AGT: variants seen among roughly 807,000 people sequenced by gnomAD.
AGT encodes the protein alpha-1 antiproteinase, antitrypsin.
Under a neutral mutation model 28.1 loss-of-function variants are expected in AGT, and 26 were observed. That is an observed-to-expected ratio of 0.92 (90% CI 0.68 to 1.28). The LOEUF is 1.28. Ranked by LOEUF, AGT falls within the 50% of genes most tolerant of loss-of-function variation. The pLI, the probability that AGT is intolerant of heterozygous loss-of-function variation, is 0.00. For synonymous variants in AGT, 259 were observed against 259.6 expected, an observed-to-expected ratio of 1.00 and a Z score of 0.02; for missense variants, 596 against 592.3, an observed-to-expected ratio of 1.01 and a Z score of -0.06.
At position 230,710,841 on chromosome 1, in the gene AGT, G is replaced by A. The variant is rs370535384; in HGVS notation, c.-18C>T. 9.9e-6 allele frequency: 16 copies of A among 1,613,004 alleles called. No individual in the cohort carries two copies. The highest frequency in any genetic ancestry group is 9.3e-5 in the African/African-American group (7 of 74,924). On this transcript the variant is annotated 5_prime_UTR_variant, in exon 2 of 5. It introduces an in-frame stop codon into an upstream open reading frame of the 5' UTR. Transcript: ENST00000366667. ...GGAGCCATCTCAGACTGGGGTGCTC[G>A]CTTCCGCATACCCTGAAATATCATT...
rs979622050 is a variant in AGT at position 230,702,817 on chromosome 1, C to T, written c.*324G>A. On this transcript the variant is annotated 3_prime_UTR_variant, in exon 5 of 5. Coordinates refer to ENST00000366667, the MANE Select transcript of AGT (RefSeq NM_001384479.1). Reference sequence around the variant, plus strand: ...AACACTTTTTTGTTTCACAAACAAGCTGGTCGGTTGGAATTCTTTTTGGAA... The same window carrying T: ...AACACTTTTTTGTTTCACAAACAAGTTGGTCGGTTGGAATTCTTTTTGGAA... 2 of 323,002 alleles carry T rather than the reference C, an allele frequency of 6.2e-6. No homozygotes were observed. The highest frequency in any genetic ancestry group is 6.2e-5 in the South Asian group (1 of 16,260). The allele number at this position is 323,002 out of a possible 1,614,324, so 20.0% of individuals were successfully genotyped here. A position where few individuals can be genotyped will look rare whatever the true frequency, so the allele number is the denominator to read the frequency against.
At chr1:230,739,386 C>T (rs879216963) in intron 1 of AGT, among the ~76,000 whole-genome samples, 3 of 151,504 alleles carry the variant, frequency 2.0e-5, no homozygotes, top group Non-Finnish European at 4.4e-5. Context: ...CACTATGGGG[C>T]GGGGGGTGGC....
chr1:230,721,819 T>C (rs1359198821), intron 1 of AGT, among the ~76,000 whole-genome samples: 1 of 152,172 alleles, frequency 6.6e-6, no homozygotes, highest in Non-Finnish European at 1.5e-5. Flanking sequence ...GGAACTTATG[T>C]TTAAAAAGGA....
rs1352562871 is a variant in AGT, at chr1:230,704,351, G to A, written c.1098-14C>T. Reference sequence around the variant, plus strand: ...AGGTGGATGGTCCTGGGGAGATGATGCACAGTTAGGAAGGCTCCAGGCCAC... The same window carrying A: ...AGGTGGATGGTCCTGGGGAGATGATACACAGTTAGGAAGGCTCCAGGCCAC... On this transcript the variant is annotated splice_polypyrimidine_tract_variant and intron_variant, in intron 3 of 4. Transcript: ENST00000366667. 9.3e-6 allele frequency: 15 copies of A among 1,613,672 alleles called. No individual in the cohort carries two copies. The highest frequency in any genetic ancestry group is 1.2e-5 in the Non-Finnish European group (14 of 1,179,896).
chr1:230,710,641 A>T lies in AGT; in HGVS notation c.183T>A (p.Ala61=). ...GKPKDPTFIP[A]PIQAKTSPVD... is the part of the protein sequence containing the mutation. ...CAGGGGATGTCTTGGCCTGAATTGG[A>T]GCAGGTATGAAGGTGGGGTCTTTGG... The change falls in exon 2 of 5, where the codon GCT becomes GCA. Residue 61 remains alanine (A), a synonymous_variant. Transcript: ENST00000366667. 6.2e-7 allele frequency: 1 copy of T among 1,614,198 alleles called. No individual in the cohort carries two copies. The highest frequency in any genetic ancestry group is 8.5e-7 in the Non-Finnish European group (1 of 1,180,046).
At chr1:230,713,132 C>T (rs1663643586) in intron 1 of AGT, among the ~76,000 whole-genome samples, 1 of 152,200 alleles carries the variant, frequency 6.6e-6, no homozygotes, top group African/African-American at 2.4e-5. Flanking sequence ...CTTTTCCCTC[C>T]TTATAACCCT....
chr1:230,712,799 G>A lies in AGT; in HGVS notation c.-31+1287C>T, dbSNP rs76063097. On this transcript the variant is annotated intron_variant, in intron 1 of 4. Transcript: ENST00000366667. ...GCTGGTTCCAGGTCTGCACGCAGCC[G>A]CGTCCTGGGAGTAATGGTGCTCTGG... 2.1e-3 allele frequency among the ~76,000 whole-genome samples: 313 copies of A among 152,288 alleles called. 6 individuals are homozygous for A. In the East Asian group the frequency reaches 0.031, roughly 15 times the overall value.
intron 1 of AGT, among the ~76,000 whole-genome samples, chr1:230,724,730 G>C (rs556705285): frequency 3.3e-4 from 51 of 152,278 alleles, no homozygotes; most frequent in African/African-American, 1.2e-3. Flanking sequence ...GGAGGCTGGG[G>C]TGGGAAGATC....
chr1:230,724,431 T>A (rs57969543), intron 1 of AGT, among the ~76,000 whole-genome samples: 9,857 of 152,260 alleles, frequency 0.065, 560 homozygotes, highest in East Asian at 0.14. Flanking sequence ...ATTCTGAATA[T>A]AATGACACCA....
chr1:230,719,953 A>G (rs779914516), intron 1 of AGT, among the ~76,000 whole-genome samples: 1 of 152,204 alleles, frequency 6.6e-6, no homozygotes, highest in Admixed American at 6.5e-5. Context: ...TTCTATTGCA[A>G]CAGGGGTCAA....
At position 230,706,164 on chromosome 1, in the gene AGT, T is replaced by G. The variant is rs1663380956; in HGVS notation, c.866A>C (p.Gln289Pro). The change falls in exon 3 of 5, where the codon CAG becomes CCG. Residue 289 changes from glutamine (Q) to proline (P), a missense_variant. By Grantham distance (76) the Gln-to-Pro change is moderately conservative (BLOSUM62 -1). Transcript: ENST00000366667. The stretch of plus-strand genomic sequence containing the variant: ...GGTGCTGTTGTCCACCCAGAACTCC[T>G]GGGGCTCGGCCAGCAGGGAGAAGCC... ...MKGFSLLAEP[Q>P]EFWVDNSTSV... The G allele has an allele frequency of 4.3e-6, 7 of 1,613,776 alleles. No homozygotes were observed. Among genetic ancestry groups the G allele is most frequent in the Non-Finnish European group, 5.9e-6 (7 of 1,179,816 alleles).
intron 1 of AGT, among the ~76,000 whole-genome samples, chr1:230,724,692 G>T (rs1233159908): frequency 6.6e-6 from 1 of 152,098 alleles, no homozygotes; most frequent in Admixed American, 6.6e-5. Flanking sequence ...AGGTTTGGTG[G>T]CACGTGCCTG....
chr1:230,738,721 G>T (rs926349715), intron 1 of AGT, among the ~76,000 whole-genome samples: 10 of 152,140 alleles, frequency 6.6e-5, no homozygotes, highest in African/African-American at 1.9e-4. Flanking sequence ...TGGAGAGTGG[G>T]AAAGGATGAG....
chr1:230,728,951 T>C (rs1664002445), intron 1 of AGT, among the ~76,000 whole-genome samples: 1 of 152,216 alleles, frequency 6.6e-6, no homozygotes, highest in Admixed American at 6.5e-5. Flanking sequence ...CAGTGAGCCC[T>C]GGGAGAGCAT....
intron 3 of AGT, 58 bp downstream of exon 3, chr1:230,705,875 C>A (rs894014191): frequency 6.2e-7 from 1 of 1,604,838 alleles, no homozygotes; most frequent in Non-Finnish European, 8.5e-7. Flanking sequence ...CACCCCGCCC[C>A]CAGCCTGGGC....
intron 1 of AGT, among the ~76,000 whole-genome samples, chr1:230,734,372 T>A (rs966228485): frequency 1.3e-5 from 2 of 152,088 alleles, no homozygotes; most frequent in Middle Eastern, 3.2e-3. Flanking sequence ...AGAATGGTGG[T>A]TTCCAGGGGC....
chr1:230,707,701 G>A (rs1028694937), intron 2 of AGT, among the ~76,000 whole-genome samples: 19 of 152,296 alleles, frequency 1.2e-4, no homozygotes, highest in Middle Eastern at 3.4e-3. Flanking sequence ...GGGGGGAAAG[G>A]GACAATTCTT....
At position 230,702,822 on chromosome 1, in the gene AGT, C is replaced by T. The variant is rs542000851; in HGVS notation, c.*319G>A. 5.8e-5 allele frequency: 19 copies of T among 325,324 alleles called. No individual in the cohort carries two copies. The highest frequency in any genetic ancestry group is 1.3e-4 in the Admixed American group (3 of 22,498). The allele number at this position is 325,324 out of a possible 1,614,324, so 20.2% of individuals were successfully genotyped here. A position where few individuals can be genotyped will look rare whatever the true frequency, so the allele number is the denominator to read the frequency against. ...TTTTTTGTTTCACAAACAAGCTGGT[C>T]GGTTGGAATTCTTTTTGGAACAGTA... is the stretch of plus-strand genomic sequence containing the variant. On this transcript the variant is annotated 3_prime_UTR_variant, in exon 5 of 5. Coordinates refer to ENST00000366667, the MANE Select transcript of AGT (RefSeq NM_001384479.1).
chr1:230,744,732 A>C (rs1371539350), intron 1 of AGT, among the ~76,000 whole-genome samples: 1 of 152,158 alleles, frequency 6.6e-6, no homozygotes, highest in African/African-American at 2.4e-5. Context: ...GAAGGACAAG[A>C]CCCCAGCCTG....
Sources: gnomAD v4.1 joint callset for allele counts (sites outside exome capture counted in the v4.1 genomes callset) on GRCh38, gnomAD v4.1.1 for gene constraint, MANE v1.5 for transcripts, NCBI Gene and HGNC (gene_info 2026-07-23, HGNC 2026-07-21) for gene names.